EPS8: variants seen among roughly 807,000 people sequenced by gnomAD.
The protein encoded by EPS8 is epidermal growth factor receptor kinase substrate 8.
EPS8 carries 42 observed loss-of-function variants against 103.8 expected under a neutral mutation model. The observed-to-expected ratio is 0.40, with a 90% CI of 0.32 to 0.52. The LOEUF (loss-of-function observed/expected upper bound fraction) is 0.52, where lower values mean the gene tolerates loss of function less well. Ranked by LOEUF, EPS8 falls within the 20% of genes least tolerant of loss-of-function variation. The pLI is 0.40. For missense variants in EPS8, 969 were observed against 1,005.1 expected (o/e 0.96, Z 0.49); for synonymous variants, 344 against 344.6 (o/e 1.00, Z 0.02).
intron 1 of EPS8, among the ~76,000 whole-genome samples, chr12:15,782,949 C>A (rs951282160): frequency 2.6e-5 from 4 of 152,172 alleles, no homozygotes; most frequent in African/African-American, 9.7e-5. Context: ...AAAATGATTT[C>A]TTGGTGTTCT....
intron 1 of EPS8, among the ~76,000 whole-genome samples, chr12:15,707,234 A>T (rs1946399320): frequency 6.6e-6 from 1 of 152,204 alleles, no homozygotes; most frequent in South Asian, 2.1e-4. Flanking sequence ...GTAAAGAGCC[A>T]GGTTATAAAT....
At position 15,696,335 on chromosome 12, in the gene EPS8, T is replaced by C. The variant is rs4561257; in HGVS notation, c.-21-13363A>G. ...TCTATAAAACACTAACTTTAGAGACTTTCCAAGTTTAAGAACATGGACTTG... is the reference window on the plus strand; with the variant it reads ...TCTATAAAACACTAACTTTAGAGACCTTCCAAGTTTAAGAACATGGACTTG... On this transcript the variant is annotated intron_variant, in intron 1 of 20. Coordinates refer to ENST00000281172, the MANE Select transcript of EPS8 (RefSeq NM_004447.6). This position sits in a 1 kb window ranked among gnomAD's most constrained non-coding sequence, Gnocchi z 4.8. Among the ~76,000 whole-genome samples, 128,901 of 152,152 alleles carry C rather than the reference T, an allele frequency of 0.85. 58,654 individuals are homozygous for C. Among genetic ancestry groups the C allele is most frequent in the Non-Finnish European group, 1 (67,815 of 68,016 alleles).
At chr12:15,672,575 C>T (rs1945835468) in intron 3 of EPS8, 1 of 393,166 alleles carries the variant, frequency 2.5e-6, no homozygotes, top group African/African-American at 2.1e-5. Flanking sequence ...TATAACAAAA[C>T]ATAAACCTTC....
intron 17 of EPS8, among the ~76,000 whole-genome samples, chr12:15,636,001 C>T (rs2135742062): frequency 6.6e-6 from 1 of 152,190 alleles, no homozygotes; most frequent in East Asian, 1.9e-4. Context: ...CTTCTTTAGT[C>T]AGTCCATTGG....
rs1252896168 is a variant in EPS8 at position 15,764,547 on chromosome 12, C to T, written c.-22+24614G>A. Among the ~76,000 whole-genome samples the T allele has an allele frequency of 6.6e-6, 1 of 152,204 alleles. No homozygotes were observed. The highest frequency in any genetic ancestry group is 1.5e-5 in the Non-Finnish European group (1 of 68,040). ...CAACAGGCCTTTGAAGAACTTTTCT[C>T]TCTCTAAATCTATGACTATACAACC... On this transcript the variant is annotated intron_variant, in intron 1 of 20. Transcript: ENST00000281172. This position sits in a 1 kb window ranked among gnomAD's most constrained non-coding sequence, Gnocchi z 4.1.
chr12:15,666,399 A>G (rs747796006), intron 7 of EPS8, 41 bp downstream of exon 7: 1 of 1,476,354 alleles, frequency 6.8e-7, no homozygotes, highest in Non-Finnish European at 9.4e-7. Context: ...AGCCTTAGAA[A>G]CAAATCAATT....
intron 8 of EPS8, chr12:15,662,748 T>C: frequency 8.6e-6 from 6 of 693,796 alleles, no homozygotes; most frequent in Non-Finnish European, 8.9e-6. Flanking sequence ...TATCATGAAC[T>C]CCTTCCTGGT....
At position 15,690,640 on chromosome 12, in the gene EPS8, T is replaced by C. The variant is rs529340871; in HGVS notation, c.-21-7668A>G. 3.9e-5 allele frequency among the ~76,000 whole-genome samples: 6 copies of C among 152,328 alleles called. No homozygotes were observed. Among genetic ancestry groups the C allele is most frequent in the Non-Finnish European group, 8.8e-5 (6 of 68,032 alleles). On this transcript the variant is annotated intron_variant, in intron 1 of 20. Coordinates refer to ENST00000281172, the MANE Select transcript of EPS8 (RefSeq NM_004447.6). This position sits in a 1 kb window ranked among gnomAD's most constrained non-coding sequence, Gnocchi z 4.7. ...GATCCAATGGCCAGCAGAATGATTA[T>C]ATGGGGGAATGTAATTGCTTTCTAA... is the stretch of plus-strand genomic sequence containing the variant.
intron 1 of EPS8, among the ~76,000 whole-genome samples, chr12:15,711,594 T>C (rs1332203573): frequency 6.6e-6 from 1 of 152,212 alleles, no homozygotes; most frequent in Non-Finnish European, 1.5e-5. Flanking sequence ...TCCACATTAA[T>C]ACTGCCATTT....
At chr12:15,650,709 T>G in intron 14 of EPS8, 114 bp downstream of exon 14, 1 of 896,508 alleles carries the variant, frequency 1.1e-6, no homozygotes, top group South Asian at 1.7e-5. Context: ...ACATTCAGAC[T>G]TTGATTCTAG....
intron 18 of EPS8, among the ~76,000 whole-genome samples, chr12:15,627,149 G>A (rs1261743105): frequency 6.6e-6 from 1 of 152,080 alleles, no homozygotes; most frequent in Non-Finnish European, 1.5e-5. Context: ...ATAGGCGTGT[G>A]CCACCATGCC....
chr12:15,663,071 T>G (rs1435851279), intron 8 of EPS8, among the ~76,000 whole-genome samples: 1 of 152,048 alleles, frequency 6.6e-6, no homozygotes, highest in Non-Finnish European at 1.5e-5. Context: ...TTAACTACTT[T>G]AAGATAATTA....
In EPS8 at chr12:15,701,485, T is replaced by TAC. The variant is rs748088669; in HGVS notation, c.-21-18515_-21-18514dup. Among the ~76,000 whole-genome samples the TAC allele has an allele frequency of 8.6e-5, 13 of 151,996 alleles. No individual in the cohort carries two copies. The highest frequency in any genetic ancestry group is 1.9e-4 in the Non-Finnish European group (13 of 67,970). On this transcript the variant is annotated intron_variant, in intron 1 of 20. Coordinates refer to ENST00000281172, the MANE Select transcript of EPS8 (RefSeq NM_004447.6). This position sits in a 1 kb window ranked among gnomAD's most constrained non-coding sequence, Gnocchi z 5.1. Reference sequence around the variant, plus strand: ...ATAGTAACTTAAACACACTTAAGCATACACACACACACAATTACACATATA... The same window carrying TAC: ...ATAGTAACTTAAACACACTTAAGCATACACACACACACACAATTACACATATA...
Position 15,706,735 on chromosome 12 carries a change from G to GC in EPS8, c.-21-23764_-21-23763insG, listed in dbSNP as rs1555119661. On this transcript the variant is annotated intron_variant, in intron 1 of 20. Transcript: ENST00000281172. This position sits in a 1 kb window ranked among gnomAD's most constrained non-coding sequence, Gnocchi z 5.2. ...GAATTTTCTGTTCTTTATATTTTATGTTTTTTTTTACAACTTATCCAAAGA... is the reference window on the plus strand; with the variant it reads ...GAATTTTCTGTTCTTTATATTTTATGCTTTTTTTTTACAACTTATCCAAAGA... Among the ~76,000 whole-genome samples the GC allele has an allele frequency of 6.6e-6, 1 of 150,608 alleles. No homozygotes were observed. Among genetic ancestry groups the GC allele is most frequent in the East Asian group, 2.0e-4 (1 of 5,124 alleles).
In EPS8 at chr12:15,784,828, A is replaced by G. The variant is rs1947294608; in HGVS notation, c.-22+4333T>C. Reference sequence around the variant, plus strand: ...ATTAAACCTCAGGAAGACATGGATGAACCTTAAATGTGTATTGCTAAATGA... The same window carrying G: ...ATTAAACCTCAGGAAGACATGGATGGACCTTAAATGTGTATTGCTAAATGA... On this transcript the variant is annotated intron_variant, in intron 1 of 20. Transcript: ENST00000281172. This position sits in a 1 kb window ranked among gnomAD's most constrained non-coding sequence, Gnocchi z 4.0. Among the ~76,000 whole-genome samples the G allele has an allele frequency of 6.6e-6, 1 of 152,276 alleles. No individual in the cohort carries two copies.
In EPS8 at chr12:15,697,754, T is replaced by C. The variant is rs2135930678; in HGVS notation, c.-21-14782A>G. ...CTACATCTGTATAAAAAAGAACTGA[T>C]AATCTAGCTTTACTGATAAGTAAGA... On this transcript the variant is annotated intron_variant, in intron 1 of 20. Transcript: ENST00000281172. The surrounding 1 kb of genome is among the most constrained non-coding windows in gnomAD (Gnocchi z 5.6). Among the ~76,000 whole-genome samples, 1 of 152,292 alleles carries C rather than the reference T, an allele frequency of 6.6e-6. No homozygotes were observed. The highest frequency in any genetic ancestry group is 1.5e-5 in the Non-Finnish European group (1 of 68,028).
rs74063350 is a variant in EPS8, at chr12:15,693,410, G to A, written c.-21-10438C>T. On this transcript the variant is annotated intron_variant, in intron 1 of 20. Transcript: ENST00000281172. The surrounding 1 kb of genome is among the most constrained non-coding windows in gnomAD (Gnocchi z 5.6). ...AACTACTGGTTTTACTGGAGTGTGAGGAGGCATCTGGGATCCAAGTTCACT... is the reference window on the plus strand; with the variant it reads ...AACTACTGGTTTTACTGGAGTGTGAAGAGGCATCTGGGATCCAAGTTCACT... Among the ~76,000 whole-genome samples, 2,039 of 152,264 alleles carry A rather than the reference G, an allele frequency of 0.013. 45 individuals are homozygous for A. The highest frequency in any genetic ancestry group is 0.046 in the African/African-American group (1,921 of 41,536).
At chr12:15,647,842 A>T (rs937095820) in intron 14 of EPS8, among the ~76,000 whole-genome samples, 4 of 152,194 alleles carry the variant, frequency 2.6e-5, no homozygotes, top group Non-Finnish European at 5.9e-5. Context: ...GCTATAGAGC[A>T]GCAATCCCCA....
intron 1 of EPS8, among the ~76,000 whole-genome samples, chr12:15,712,345 G>T (rs2950432): frequency 0.94 from 143,588 of 152,218 alleles, 68,283 homozygotes; most frequent in East Asian, 1. Context: ...TCAAAGCCAA[G>T]AACAACCTAA....
Sources: allele counts gnomAD v4.1 joint callset (sites outside exome capture counted in the v4.1 genomes callset), GRCh38; gene constraint gnomAD v4.1.1; non-coding constraint Gnocchi (gnomAD v3.1); transcripts MANE v1.5; gene names NCBI Gene and HGNC (gene_info 2026-07-23, HGNC 2026-07-21).